OSBPL3: variants seen among roughly 807,000 people sequenced by gnomAD.
The protein encoded by OSBPL3 is oxysterol binding protein like 3.
A neutral mutation model predicts 120.1 loss-of-function variants in OSBPL3; 65 were observed. That is an observed-to-expected ratio of 0.54 (90% CI 0.44 to 0.67). The LOEUF is 0.67. OSBPL3 is among the 30% of genes least tolerant of loss of function. The pLI is 0.00. For synonymous variants in OSBPL3, 416 were observed against 402.6 expected (o/e 1.03, Z -0.40); for missense variants, 1,004 against 1,082.1 (o/e 0.93, Z 1.01).
In OSBPL3 at chr7:24,803,333, C is replaced by T. The variant is rs1423082688; in HGVS notation, c.2567+982G>A. On this transcript the variant is annotated intron_variant, in intron 22 of 22. Transcript: ENST00000313367. This position sits in a 1 kb window ranked among gnomAD's most constrained non-coding sequence, Gnocchi z 4.2. ...CAGAAAAACTAAAATCATATAGGCC[C>T]TGGCCTGGTAGTGAGGAGAGTCAGG... Among the ~76,000 whole-genome samples, 1 of 152,154 alleles carries T rather than the reference C, an allele frequency of 6.6e-6. No individual in the cohort carries two copies. The highest frequency in any genetic ancestry group is 1.5e-5 in the Non-Finnish European group (1 of 68,030).
At chr7:24,906,413 A>G in intron 1 of OSBPL3, 1 of 249,244 alleles carries the variant, frequency 4.0e-6, no homozygotes, top group Non-Finnish European at 8.2e-6. Flanking sequence ...GAGTAGGAGG[A>G]ACCTTTCCTT....
chr7:24,826,422 C>A (rs575026629), intron 16 of OSBPL3, among the ~76,000 whole-genome samples: 3 of 152,242 alleles, frequency 2.0e-5, no homozygotes, highest in East Asian at 3.9e-4. Flanking sequence ...CTATGTGAGT[C>A]TGGAGAGATT....
chr7:24,863,110 TCTC>T lies in OSBPL3; in HGVS notation c.870+87_870+89del. 2 of 853,352 alleles carry T rather than the reference TCTC, an allele frequency of 2.3e-6. No individual in the cohort carries two copies. The highest frequency in any genetic ancestry group is 2.0e-6 in the Non-Finnish European group (1 of 492,892). The allele number at this position is 853,352 out of a possible 1,614,324, so 52.9% of individuals were successfully genotyped here. A position where few individuals can be genotyped will look rare whatever the true frequency, so the allele number is the denominator to read the frequency against. On this transcript the variant is annotated intron_variant, in intron 9 of 22. Coordinates refer to ENST00000313367, the MANE Select transcript of OSBPL3 (RefSeq NM_015550.4). The surrounding 1 kb of genome is among the most constrained non-coding windows in gnomAD (Gnocchi z 5.8). ...AACTACAGAATATTCACTCATCTAT[TCTC>T]CTAGCTGAGTCAAGGTAGCTGCTGG... is the stretch of plus-strand genomic sequence containing the variant.
At chr7:24,878,223 G>A (rs908364227) in intron 2 of OSBPL3, among the ~76,000 whole-genome samples, 1 of 152,180 alleles carries the variant, frequency 6.6e-6, no homozygotes, top group African/African-American at 2.4e-5. Context: ...TTCAAATGCT[G>A]AATCCTCAGT....
intron 1 of OSBPL3, among the ~76,000 whole-genome samples, chr7:24,895,523 G>C (rs1380954968): frequency 6.6e-6 from 1 of 152,192 alleles, no homozygotes; most frequent in Non-Finnish European, 1.5e-5. Context: ...AGCGACGCAT[G>C]ACTACTTAAA....
chr7:24,897,035 G>A (rs972392494), intron 1 of OSBPL3, among the ~76,000 whole-genome samples: 4 of 151,376 alleles, frequency 2.6e-5, no homozygotes, highest in African/African-American at 9.7e-5. Flanking sequence ...TTGCACCACT[G>A]CACTCCAGCA....
chr7:24,829,232 C>T (rs1277368688), intron 16 of OSBPL3, among the ~76,000 whole-genome samples: 1 of 152,084 alleles, frequency 6.6e-6, no homozygotes, highest in Non-Finnish European at 1.5e-5. Flanking sequence ...TTCATTTATT[C>T]TCATTCTATT....
At position 24,849,260 on chromosome 7, in the gene OSBPL3, C is replaced by CT. The variant is rs1200072632; in HGVS notation, c.1159-85dup. 16 of 984,954 alleles carry CT rather than the reference C, an allele frequency of 1.6e-5. No individual in the cohort carries two copies. Among genetic ancestry groups the CT allele is most frequent in the East Asian group, 2.5e-5 (1 of 39,800 alleles). The allele number at this position is 984,954 out of a possible 1,614,324, so 61.0% of individuals were successfully genotyped here. A position where few individuals can be genotyped will look rare whatever the true frequency, so the allele number is the denominator to read the frequency against. Reference sequence around the variant, plus strand: ...GCAGTGGGCCCTGCAGGAGCGATCTCTAAGAGCTTGATGAAACTCTTAGTG... The same window carrying CT: ...GCAGTGGGCCCTGCAGGAGCGATCTCTTAAGAGCTTGATGAAACTCTTAGTG... On this transcript the variant is annotated intron_variant, in intron 11 of 22. Transcript: ENST00000313367. The surrounding 1 kb of genome is among the most constrained non-coding windows in gnomAD (Gnocchi z 5.4).
At chr7:24,908,496 C>CTT (rs771907031) in intron 1 of OSBPL3, among the ~76,000 whole-genome samples, 14 of 152,214 alleles carry the variant, frequency 9.2e-5, no homozygotes, top group Non-Finnish European at 1.5e-4. Context: ...ACCATGCCCT[C>CTT]TTTACCCAGG....
At position 24,881,946 on chromosome 7, in the gene OSBPL3, C is replaced by A. The variant is rs527796623; in HGVS notation, c.97-9877G>T. 6.6e-6 allele frequency among the ~76,000 whole-genome samples: 1 copy of A among 152,146 alleles called. No individual in the cohort carries two copies. The highest frequency in any genetic ancestry group is 1.9e-4 in the East Asian group (1 of 5,194). On this transcript the variant is annotated intron_variant, in intron 2 of 22. Coordinates refer to ENST00000313367, the MANE Select transcript of OSBPL3 (RefSeq NM_015550.4). The surrounding 1 kb of genome is among the most constrained non-coding windows in gnomAD (Gnocchi z 4.3). Reference sequence around the variant, plus strand: ...TCCTCTATGTCTGTCTTCTCCCGAACGTGTTTCTTATAAGGACATTTGTCA... The same window carrying A: ...TCCTCTATGTCTGTCTTCTCCCGAAAGTGTTTCTTATAAGGACATTTGTCA...
At chr7:24,807,153 T>C (rs1228966611) in intron 20 of OSBPL3, among the ~76,000 whole-genome samples, 2 of 152,212 alleles carry the variant, frequency 1.3e-5, no homozygotes, top group Non-Finnish European at 2.9e-5. Flanking sequence ...TACAATGCTG[T>C]GAAGTTTCTG....
chr7:24,908,329 C>T (rs987049035), intron 1 of OSBPL3, among the ~76,000 whole-genome samples: 24 of 152,080 alleles, frequency 1.6e-4, no homozygotes, highest in Admixed American at 3.9e-4. Context: ...AGAAGTTAGC[C>T]GAATGAAACA....
rs570342569 is a variant in OSBPL3, at chr7:24,882,775, TATAAG to T, written c.96+9597_96+9601del. ...TTTGTATTAATAGTCATTTGACTTA[TATAAG>T]ATGATATCTCATTGTGGTTTTGATT... On this transcript the variant is annotated intron_variant, in intron 2 of 22. Coordinates refer to ENST00000313367, the MANE Select transcript of OSBPL3 (RefSeq NM_015550.4). Among the ~76,000 whole-genome samples, 392 of 152,316 alleles carry T rather than the reference TATAAG, an allele frequency of 2.6e-3. 3 individuals carry two copies. The highest frequency in any genetic ancestry group is 9.2e-3 in the African/African-American group (382 of 41,572).
chr7:24,892,523 A>T lies in OSBPL3; in HGVS notation c.-51T>A, dbSNP rs1273757800. 4 of 1,592,628 alleles carry T rather than the reference A, an allele frequency of 2.5e-6. No homozygotes were observed. The highest frequency in any genetic ancestry group is 3.4e-6 in the Non-Finnish European group (4 of 1,164,152). On this transcript the variant is annotated 5_prime_UTR_variant, in exon 2 of 23. The change creates a new upstream start codon in the 5' untranslated region. Coordinates refer to ENST00000313367, the MANE Select transcript of OSBPL3 (RefSeq NM_015550.4). Reference sequence around the variant, plus strand: ...ACAATCAAAATGCCATCAGATGACAAGGGAGCCGAGAGTATGGAAGTCCCC... The same window carrying T: ...ACAATCAAAATGCCATCAGATGACATGGGAGCCGAGAGTATGGAAGTCCCC...
chr7:24,890,518 T>C (rs1313215596), intron 2 of OSBPL3, among the ~76,000 whole-genome samples: 1 of 152,276 alleles, frequency 6.6e-6, no homozygotes, highest in East Asian at 1.9e-4. Flanking sequence ...ATGGAAACAC[T>C]AAGCATACCC....
chr7:24,923,057 A>T (rs1047562861), intron 1 of OSBPL3, among the ~76,000 whole-genome samples: 2 of 152,340 alleles, frequency 1.3e-5, no homozygotes, highest in South Asian at 2.1e-4. Flanking sequence ...CACACACAGA[A>T]TCAGAGGTGG....
intron 1 of OSBPL3, among the ~76,000 whole-genome samples, chr7:24,926,588 A>G (rs1231744299): frequency 6.6e-6 from 1 of 151,940 alleles, no homozygotes; most frequent in East Asian, 1.9e-4. Flanking sequence ...CTATCTCCAC[A>G]CCTTTGTAGC....
At chr7:24,974,346 C>T (rs1398388674) in intron 1 of OSBPL3, among the ~76,000 whole-genome samples, 3 of 152,178 alleles carry the variant, frequency 2.0e-5, no homozygotes, top group African/African-American at 7.2e-5. Context: ...TTTAACAGTT[C>T]GTTTGTTCAA....
rs1810529087 is a variant in OSBPL3 at position 24,922,567 on chromosome 7, A to G, written c.-149-29946T>C. ...TCATCATTACAGTAAACCCCAAGGG[A>G]AGTGTGTAAAATGCCAGGCTGCTCT... On this transcript the variant is annotated intron_variant, in intron 1 of 22. Coordinates refer to ENST00000313367, the MANE Select transcript of OSBPL3 (RefSeq NM_015550.4). This position sits in a 1 kb window ranked among gnomAD's most constrained non-coding sequence, Gnocchi z 4.3. Among the ~76,000 whole-genome samples, 1 of 152,172 alleles carries G rather than the reference A, an allele frequency of 6.6e-6. No homozygotes were observed. The highest frequency in any genetic ancestry group is 6.5e-5 in the Admixed American group (1 of 15,272).
Sources: gnomAD v4.1 joint callset for allele counts (sites outside exome capture counted in the v4.1 genomes callset) on GRCh38, gnomAD v4.1.1 for gene constraint, Gnocchi (gnomAD v3.1) non-coding constraint, MANE v1.5 for transcripts, NCBI Gene and HGNC (gene_info 2026-07-23, HGNC 2026-07-21) for gene names.